MMP16: variants seen among roughly 807,000 people sequenced by gnomAD.
MMP16 encodes matrix metalloproteinase-16.
MMP16 carries 12 observed loss-of-function variants against 67.8 expected under a neutral mutation model. That is an observed-to-expected ratio of 0.18 (90% CI 0.11 to 0.29). The LOEUF (loss-of-function observed/expected upper bound fraction) is 0.29. MMP16 is among the 10% of genes least tolerant of loss of function. The pLI is 1.00. For synonymous variants in MMP16, 249 were observed against 255.9 expected (o/e 0.97, Z 0.26); for missense variants, 475 against 765.7 (o/e 0.62, Z 4.48).
In MMP16 at chr8:88,038,100, C is replaced by T. The variant is rs976536477; in HGVS notation, c.*3361G>A. The T allele has an allele frequency of 2.6e-5, 4 of 151,892 alleles. No homozygotes were observed. Among genetic ancestry groups the T allele is most frequent in the Admixed American group, 6.6e-5 (1 of 15,226 alleles). The allele number at this position is 151,892 out of a possible 1,614,324, so 9.4% of individuals were successfully genotyped here. ...TGAATTACTTTCCCTTTCACTGTTC[C>T]ATTTGGTTTGAGACTTTTTTCCCAA... On this transcript the variant is annotated 3_prime_UTR_variant, in exon 10 of 10. Coordinates refer to ENST00000286614, the MANE Select transcript of MMP16 (RefSeq NM_005941.5). The surrounding 1 kb of genome is among the most constrained non-coding windows in gnomAD (Gnocchi z 4.1).
intron 1 of MMP16, among the ~76,000 whole-genome samples, chr8:88,235,794 T>A (rs577961188): frequency 1.3e-5 from 2 of 152,260 alleles, no homozygotes; most frequent in African/African-American, 4.8e-5. Context: ...TTCCAATACA[T>A]TGTTATGTAA....
chr8:88,222,373 A>G (rs1017009671), intron 1 of MMP16, among the ~76,000 whole-genome samples: 9 of 152,164 alleles, frequency 5.9e-5, no homozygotes, highest in Admixed American at 1.3e-4. Flanking sequence ...ACCAAAAAAG[A>G]GCCTGCATTG....
rs139402619 is a variant in MMP16 at position 88,225,540 on chromosome 8, T to TA, written c.133-28235dup. Among the ~76,000 whole-genome samples, 687 of 152,038 alleles carry TA rather than the reference T, an allele frequency of 4.5e-3. 10 individuals carry two copies. The East Asian group carries it at 0.059, about 13-fold the overall frequency. On this transcript the variant is annotated intron_variant, in intron 1 of 9. Coordinates refer to ENST00000286614, the MANE Select transcript of MMP16 (RefSeq NM_005941.5). ...ACAGAAATACATATTATTCATTGAA[T>TA]AAAAAATACAAGAAAATTAATCCCA...
chr8:88,189,254 A>G (rs971676700), intron 2 of MMP16, among the ~76,000 whole-genome samples: 4 of 152,168 alleles, frequency 2.6e-5, no homozygotes, highest in Admixed American at 2.6e-4. Flanking sequence ...AAAGTACAAT[A>G]TAATGGGGTA....
chr8:88,038,857 A>T lies in MMP16; in HGVS notation c.*2604T>A, dbSNP rs1808091682. The T allele has an allele frequency of 6.6e-6, 1 of 152,554 alleles. No individual in the cohort carries two copies. The highest frequency in any genetic ancestry group is 6.6e-5 in the Admixed American group (1 of 15,254). The allele number at this position is 152,554 out of a possible 1,614,324, so 9.5% of individuals were successfully genotyped here. Reference sequence around the variant, plus strand: ...CGTACATAATCTCCAATATCCTCTTAAAATATTGTCTGCATTGTATGATAT... The same window carrying T: ...CGTACATAATCTCCAATATCCTCTTTAAATATTGTCTGCATTGTATGATAT... On this transcript the variant is annotated 3_prime_UTR_variant, in exon 10 of 10. Coordinates refer to ENST00000286614, the MANE Select transcript of MMP16 (RefSeq NM_005941.5). This position sits in a 1 kb window ranked among gnomAD's most constrained non-coding sequence, Gnocchi z 4.1.
At chr8:88,059,036 C>G (rs1422941529) in intron 7 of MMP16, among the ~76,000 whole-genome samples, 1 of 151,990 alleles carries the variant, frequency 6.6e-6, no homozygotes. Flanking sequence ...TAAGACAAGA[C>G]TAAAGGTGAA....
At chr8:88,291,495 T>C (rs545007077) in intron 1 of MMP16, among the ~76,000 whole-genome samples, 4 of 152,288 alleles carry the variant, frequency 2.6e-5, no homozygotes, top group African/African-American at 9.6e-5. Flanking sequence ...CTTGGACAGA[T>C]ATTTCAAAAC....
At chr8:88,238,379 C>T (rs1035758794) in intron 1 of MMP16, among the ~76,000 whole-genome samples, 8 of 151,842 alleles carry the variant, frequency 5.3e-5, no homozygotes, top group African/African-American at 1.7e-4. Context: ...CGGGTGCAGC[C>T]GGGCCCAGTG....
chr8:88,248,790 T>TAA lies in MMP16; in HGVS notation c.133-51486_133-51485dup, dbSNP rs11356043. Among the ~76,000 whole-genome samples, 543 of 140,056 alleles carry TAA rather than the reference T, an allele frequency of 3.9e-3. 3 individuals carry two copies. Among genetic ancestry groups the TAA allele is most frequent in the African/African-American group, 0.013 (468 of 36,614 alleles). The allele number at this position is 140,056 out of a possible 152,430, so 91.9% of individuals were successfully genotyped here. A position where few individuals can be genotyped will look rare whatever the true frequency, so the allele number is the denominator to read the frequency against. On this transcript the variant is annotated intron_variant, in intron 1 of 9. Transcript: ENST00000286614. Reference sequence around the variant, plus strand: ...CACTGGCAGGTTGTATTGGACATAGTAAAAAAAAAAAAAAAAAATTACTGT... The same window carrying TAA: ...CACTGGCAGGTTGTATTGGACATAGTAAAAAAAAAAAAAAAAAAAATTACTGT...
chr8:88,115,221 T>C (rs767050954), intron 6 of MMP16, among the ~76,000 whole-genome samples: 81 of 152,122 alleles, frequency 5.3e-4, no homozygotes, highest in Non-Finnish European at 1.0e-3. Flanking sequence ...TCTTTTAGAA[T>C]AAACAAAAGA....
chr8:88,225,058 C>A (rs1332504320), intron 1 of MMP16, among the ~76,000 whole-genome samples: 1 of 151,858 alleles, frequency 6.6e-6, no homozygotes, highest in Non-Finnish European at 1.5e-5. Context: ...ACAAGCACCA[C>A]CTGTTTAAAT....
At chr8:88,185,731 C>T (rs762552937) in intron 3 of MMP16, among the ~76,000 whole-genome samples, 7 of 152,144 alleles carry the variant, frequency 4.6e-5, no homozygotes, top group Non-Finnish European at 7.4e-5. Context: ...TATTTTAGGG[C>T]GATCTCATCT....
rs556174792 is a variant in MMP16, at chr8:88,091,756, A to G, written c.1084-17013T>C. On this transcript the variant is annotated intron_variant, in intron 6 of 9. Coordinates refer to ENST00000286614, the MANE Select transcript of MMP16 (RefSeq NM_005941.5). ...AATTCTCTAGATTTGTGCTGTCAAT[A>G]TGATAGCCACTAGCCATGTGTAGCT... 7.0e-4 allele frequency among the ~76,000 whole-genome samples: 107 copies of G among 152,042 alleles called. 1 individual carries two copies. The highest frequency in any genetic ancestry group is 2.5e-3 in the African/African-American group (102 of 41,550).
At chr8:88,183,146 T>C (rs1002939947) in intron 3 of MMP16, among the ~76,000 whole-genome samples, 1 of 152,186 alleles carries the variant, frequency 6.6e-6, no homozygotes, top group Non-Finnish European at 1.5e-5. Flanking sequence ...ATAAATGACA[T>C]TATACACTTA....
chr8:88,156,645 T>A (rs1808513471), intron 4 of MMP16, among the ~76,000 whole-genome samples: 3 of 152,104 alleles, frequency 2.0e-5, no homozygotes, highest in African/African-American at 7.2e-5. Context: ...AAAGCTGTTA[T>A]TAATCTTAGA....
chr8:88,301,479 G>A (rs1436915611), intron 1 of MMP16, among the ~76,000 whole-genome samples: 1 of 152,064 alleles, frequency 6.6e-6, no homozygotes, highest in African/African-American at 2.4e-5. Flanking sequence ...AACATCTCAA[G>A]ACATGTAAGA....
chr8:88,275,670 C>G (rs897376188), intron 1 of MMP16, among the ~76,000 whole-genome samples: 2 of 151,298 alleles, frequency 1.3e-5, no homozygotes, highest in Non-Finnish European at 3.0e-5. Flanking sequence ...TTTAAGGATC[C>G]CTTTCATCTT....
At chr8:88,256,356 A>C (rs1169095707) in intron 1 of MMP16, among the ~76,000 whole-genome samples, 1 of 152,124 alleles carries the variant, frequency 6.6e-6, no homozygotes, top group Non-Finnish European at 1.5e-5. Flanking sequence ...TCTTTCTGAA[A>C]TCAAAAACTG....
intron 7 of MMP16, among the ~76,000 whole-genome samples, chr8:88,066,883 A>T (rs1808470227): frequency 6.6e-6 from 1 of 152,134 alleles, no homozygotes. Context: ...AAATAAGATG[A>T]GAAATTACAG....
Sources: gnomAD v4.1 joint callset for allele counts (sites outside exome capture counted in the v4.1 genomes callset) on GRCh38, gnomAD v4.1.1 for gene constraint, Gnocchi (gnomAD v3.1) non-coding constraint, MANE v1.5 for transcripts, NCBI Gene and HGNC (gene_info 2026-07-23, HGNC 2026-07-21) for gene names.